The following OSBPL1A variants were observed in gnomAD, a reference collection of about 807,000 sequenced individuals.
The protein encoded by OSBPL1A is oxysterol binding protein like 1A, also known as oxysterol-binding protein-related protein 1.
Under a neutral mutation model 137.1 loss-of-function variants are expected in OSBPL1A, and 80 were observed. The observed-to-expected ratio is 0.58, with a 90% CI of 0.49 to 0.70. OSBPL1A has a LOEUF of 0.70. OSBPL1A is among the 30% of genes least tolerant of loss of function. The probability of loss-of-function intolerance (pLI) is 0.00; values close to 1 mark genes in which losing one functional copy is unlikely to be tolerated. For missense variants in OSBPL1A, 970 were observed against 1,129.4 expected (o/e 0.86, Z 2.02); for synonymous variants, 365 against 389.7 (o/e 0.94, Z 0.75).
rs560064068 is a variant in OSBPL1A, at chr18:24,268,635, C to T, written c.1281+12207G>A. On this transcript the variant is annotated intron_variant, in intron 15 of 27. Coordinates refer to ENST00000319481, the MANE Select transcript of OSBPL1A (RefSeq NM_080597.4). ...CTTCAGTTCTTACCTGTCCTCTGGG[C>T]AGCTTGTCTCCCTTGATCTCCCCTG... Among the ~76,000 whole-genome samples the T allele has an allele frequency of 9.9e-5, 15 of 152,208 alleles. No individual in the cohort carries two copies. In the South Asian group the frequency reaches 3.1e-3, roughly 32 times the overall value.
chr18:24,206,880 A>G (rs1215841795), intron 17 of OSBPL1A, among the ~76,000 whole-genome samples: 1 of 152,102 alleles, frequency 6.6e-6, no homozygotes, highest in East Asian at 1.9e-4. Context: ...TCTGCCACTC[A>G]GAGTGTAATC....
At chr18:24,352,895 C>A (rs184839589) in intron 4 of OSBPL1A, among the ~76,000 whole-genome samples, 1 of 151,740 alleles carries the variant, frequency 6.6e-6, no homozygotes, top group Non-Finnish European at 1.5e-5. Flanking sequence ...CCCTTCCTTA[C>A]ACCTTATACA....
At chr18:24,256,239 T>C (rs569352469) in intron 15 of OSBPL1A, among the ~76,000 whole-genome samples, 14 of 152,312 alleles carry the variant, frequency 9.2e-5, no homozygotes, top group African/African-American at 3.1e-4. Flanking sequence ...GACAAAATAC[T>C]AGCAAACTGA....
intron 2 of OSBPL1A, 123 bp from the exon 3 acceptor site, chr18:24,368,495 G>A: frequency 1.4e-6 from 1 of 700,614 alleles, no homozygotes; most frequent in Non-Finnish European, 2.5e-6. Flanking sequence ...ATAAGTGAGA[G>A]GCAAGATATG....
At chr18:24,350,674 A>G (rs946990741) in intron 4 of OSBPL1A, among the ~76,000 whole-genome samples, 2 of 152,176 alleles carry the variant, frequency 1.3e-5, no homozygotes, top group Non-Finnish European at 2.9e-5. Flanking sequence ...TAAGAATAGC[A>G]CTAGACTTCT....
chr18:24,355,559 CT>C (rs1359222585), intron 4 of OSBPL1A, among the ~76,000 whole-genome samples: 3 of 152,208 alleles, frequency 2.0e-5, no homozygotes, highest in African/African-American at 7.2e-5. Flanking sequence ...CACTTCTGGC[CT>C]CTTGACATCT....
chr18:24,195,300 A>C (rs12607258), intron 18 of OSBPL1A, among the ~76,000 whole-genome samples: 26,261 of 152,044 alleles, frequency 0.17, 2,697 homozygotes, highest in Non-Finnish European at 0.22. Context: ...TGTCTCAAAA[A>C]AATGAAAAGA....
intron 16 of OSBPL1A, among the ~76,000 whole-genome samples, chr18:24,232,578 A>G (rs554734740): frequency 1.3e-4 from 20 of 152,234 alleles, no homozygotes; most frequent in Non-Finnish European, 2.6e-4. Flanking sequence ...ACGTGGATCT[A>G]TTTTGGGCTA....
chr18:24,340,776 A>G (rs1163161812), intron 5 of OSBPL1A, among the ~76,000 whole-genome samples: 1 of 152,178 alleles, frequency 6.6e-6, no homozygotes, highest in African/African-American at 2.4e-5. Context: ...ACTGCACTCC[A>G]GCCTGGGCAA....
In OSBPL1A at chr18:24,322,475, G is replaced by C. The variant is rs142334095; in HGVS notation, c.626-3666C>G. Reference sequence around the variant, plus strand: ...GGAAGATTTATAGAGCTGCTGATGGGGAACCTGGGGCTGGTGATACATTAC... The same window carrying C: ...GGAAGATTTATAGAGCTGCTGATGGCGAACCTGGGGCTGGTGATACATTAC... On this transcript the variant is annotated intron_variant, in intron 7 of 27. Coordinates refer to ENST00000319481, the MANE Select transcript of OSBPL1A (RefSeq NM_080597.4). Among the ~76,000 whole-genome samples the C allele has an allele frequency of 1.2e-3, 184 of 152,026 alleles. 1 individual carries two copies. The highest frequency in any genetic ancestry group is 4.3e-3 in the African/African-American group (178 of 41,452).
At chr18:24,191,588 AAATACT>A (rs1340432591) in intron 18 of OSBPL1A, among the ~76,000 whole-genome samples, 1 of 152,250 alleles carries the variant, frequency 6.6e-6, no homozygotes, top group Non-Finnish European at 1.5e-5. Context: ...AATTGTAATC[AAATACT>A]AACATTTATA....
chr18:24,394,187 T>C (rs1037421126), intron 1 of OSBPL1A, among the ~76,000 whole-genome samples: 2 of 152,198 alleles, frequency 1.3e-5, no homozygotes, highest in African/African-American at 4.8e-5. Flanking sequence ...TTATTTACTT[T>C]ATATTTGATA....
intron 15 of OSBPL1A, among the ~76,000 whole-genome samples, chr18:24,241,718 C>A (rs1248443284): frequency 1.3e-5 from 2 of 152,108 alleles, no homozygotes; most frequent in East Asian, 1.9e-4. Flanking sequence ...GACAGTGTGG[C>A]GATTCCTCAA....
chr18:24,279,914 A>C (rs2089923399), intron 15 of OSBPL1A, among the ~76,000 whole-genome samples: 2 of 151,796 alleles, frequency 1.3e-5, no homozygotes, highest in South Asian at 4.2e-4. Flanking sequence ...ATCTTGGCTC[A>C]CTGCAGCCTC....
chr18:24,321,450 T>A (rs572946290), intron 7 of OSBPL1A, among the ~76,000 whole-genome samples: 1 of 152,164 alleles, frequency 6.6e-6, no homozygotes, highest in Non-Finnish European at 1.5e-5. Context: ...TCATGTGTCA[T>A]CACACCTGGC....
At chr18:24,235,666 C>G (rs141999286) in intron 16 of OSBPL1A, among the ~76,000 whole-genome samples, 32 of 152,214 alleles carry the variant, frequency 2.1e-4, no homozygotes, top group African/African-American at 7.7e-4. Flanking sequence ...GAAGAGCAAG[C>G]ATTTGTTTTT....
intron 17 of OSBPL1A, among the ~76,000 whole-genome samples, chr18:24,215,914 C>T (rs2087683946): frequency 6.6e-6 from 1 of 152,124 alleles, no homozygotes; most frequent in Non-Finnish European, 1.5e-5. Context: ...GATCGAGATG[C>T]CAAGCAAGAA....
chr18:24,186,917 A>G (rs979278694), intron 18 of OSBPL1A, among the ~76,000 whole-genome samples: 9 of 151,274 alleles, frequency 5.9e-5, no homozygotes, highest in Non-Finnish European at 7.4e-5. Flanking sequence ...AAAAAAAAAA[A>G]AAAAAAAAAA....
At chr18:24,361,996 C>CAA (rs200189504) in intron 4 of OSBPL1A, among the ~76,000 whole-genome samples, 253 of 50,308 alleles carry the variant, frequency 5.0e-3, no homozygotes, top group Middle Eastern at 9.8e-3. Context: ...GACTCCATCT[C>CAA]AAAAAAAAAA....
Sources: allele counts gnomAD v4.1 joint callset (sites outside exome capture counted in the v4.1 genomes callset), GRCh38; gene constraint gnomAD v4.1.1; transcripts MANE v1.5; gene names NCBI Gene and HGNC (gene_info 2026-07-23, HGNC 2026-07-21).